The following STAG1 variants were observed in gnomAD, a reference collection of about 807,000 sequenced individuals.
STAG1 encodes the protein STAG1 cohesin complex component, also known as cohesin subunit SA-1.
Under a neutral mutation model 170.9 loss-of-function variants are expected in STAG1, and 26 were observed. The observed-to-expected ratio is 0.15, with a 90% confidence interval of 0.11 to 0.21. STAG1 has a LOEUF of 0.21. Among genes scored for constraint, STAG1 ranks in the 10% least tolerant of loss-of-function variants. The pLI is 1.00. For missense variants in STAG1, 964 were observed against 1,509.5 expected (o/e 0.64, Z 5.99); for synonymous variants, 514 against 497.7 (o/e 1.03, Z -0.44).
At chr3:136,616,226 G>A (rs938398536) in intron 3 of STAG1, among the ~76,000 whole-genome samples, 41 of 150,806 alleles carry the variant, frequency 2.7e-4, no homozygotes, top group African/African-American at 8.8e-4. Context: ...CCGAGATCGC[G>A]CCACTGCACT....
intron 22 of STAG1, among the ~76,000 whole-genome samples, chr3:136,388,383 T>G (rs1266697659): frequency 1.3e-5 from 2 of 152,126 alleles, no homozygotes; most frequent in Non-Finnish European, 2.9e-5. Flanking sequence ...TTGTTTGTTT[T>G]TTTGAGATGG....
intron 4 of STAG1, among the ~76,000 whole-genome samples, chr3:136,584,275 T>C (rs1488553071): frequency 2.0e-5 from 3 of 152,168 alleles, no homozygotes; most frequent in South Asian, 2.1e-4. Flanking sequence ...ACAGTAAAAT[T>C]CCTCTATACA....
intron 21 of STAG1, among the ~76,000 whole-genome samples, chr3:136,400,513 G>A (rs1283637671): frequency 1.3e-5 from 2 of 151,232 alleles, no homozygotes; most frequent in African/African-American, 2.4e-5. Context: ...GAGCCACCAC[G>A]CCCGGCCGCA....
intron 14 of STAG1, among the ~76,000 whole-genome samples, chr3:136,446,817 T>G (rs2088794877): frequency 6.6e-6 from 1 of 151,948 alleles, no homozygotes. Context: ...CATATTTTTT[T>G]TTTTTGAGAC....
intron 1 of STAG1, among the ~76,000 whole-genome samples, chr3:136,674,520 G>A (rs1224536691): frequency 6.6e-6 from 1 of 152,058 alleles, no homozygotes. Flanking sequence ...GACCAAGAAG[G>A]GACACAAGGG....
intron 9 of STAG1, among the ~76,000 whole-genome samples, chr3:136,486,145 TA>T (rs1372585407): frequency 6.6e-6 from 1 of 152,218 alleles, no homozygotes; most frequent in Non-Finnish European, 1.5e-5. Context: ...AGTAGGCAAG[TA>T]AGTATTCTTT....
intron 1 of STAG1, among the ~76,000 whole-genome samples, chr3:136,656,647 A>G (rs1254375838): frequency 2.1e-5 from 1 of 46,932 alleles, no homozygotes; most frequent in African/African-American, 3.0e-4. Context: ...GTGTGTGTGT[A>G]TCAAACCTAT....
chr3:136,631,467 T>C (rs1297485682), intron 1 of STAG1, among the ~76,000 whole-genome samples: 3 of 152,202 alleles, frequency 2.0e-5, no homozygotes, highest in African/African-American at 7.2e-5. Flanking sequence ...GTGTGATGGA[T>C]GTGTCATTAC....
chr3:136,529,797 A>G (rs1361624406), intron 6 of STAG1, among the ~76,000 whole-genome samples: 1 of 152,238 alleles, frequency 6.6e-6, no homozygotes, highest in African/African-American at 2.4e-5. Flanking sequence ...AACAACAAAG[A>G]AAAACAATAG....
rs535926152 is a variant in STAG1, at chr3:136,390,982, C to T, written c.2277+7767G>A. ...TGGGGCTTGGCCACTATCAGTCCCA[C>T]CTTCACCCTTACTGCTCTTTTCTCC... On this transcript the variant is annotated intron_variant, in intron 22 of 33. Transcript: ENST00000383202. 5.4e-4 allele frequency among the ~76,000 whole-genome samples: 83 copies of T among 152,310 alleles called. 1 individual carries two copies. In the South Asian group the frequency reaches 0.017, roughly 31 times the overall value.
chr3:136,372,871 T>G (rs1306345826), intron 23 of STAG1, among the ~76,000 whole-genome samples: 1 of 152,186 alleles, frequency 6.6e-6, no homozygotes, highest in Non-Finnish European at 1.5e-5. Context: ...ATAAAATGAG[T>G]TAGGGAGGAT....
At chr3:136,370,051 CTA>C (rs1560064366) in intron 23 of STAG1, among the ~76,000 whole-genome samples, 10 of 256 alleles carry the variant, frequency 0.039, no homozygotes, top group Non-Finnish European at 0.057. Context: ...TATGTATTTA[CTA>C]TACTATACTA....
intron 9 of STAG1, among the ~76,000 whole-genome samples, chr3:136,486,584 TA>T (rs2090017812): frequency 1.3e-5 from 2 of 152,170 alleles, no homozygotes; most frequent in Non-Finnish European, 2.9e-5. Context: ...GTCAATTCTA[TA>T]AAAACCAGGC....
chr3:136,546,522 A>C (rs908201254), intron 5 of STAG1, among the ~76,000 whole-genome samples: 1 of 152,238 alleles, frequency 6.6e-6, no homozygotes, highest in Non-Finnish European at 1.5e-5. Context: ...AAATAAAATG[A>C]TAACAATAAA....
intron 6 of STAG1, among the ~76,000 whole-genome samples, chr3:136,529,419 C>T (rs974662765): frequency 1.3e-5 from 2 of 152,080 alleles, no homozygotes; most frequent in African/African-American, 2.4e-5. Flanking sequence ...AAACCTTCAT[C>T]AGACTACCAG....
rs1386191506 is a variant in STAG1 at position 136,336,283 on chromosome 3, T to A, written c.*1971A>T. The stretch of plus-strand genomic sequence containing the variant: ...GGAAAGGTGAAGCATCAGTTTCAAA[T>A]TGTACAAAAGGAAAAAAAACCTCAT... On this transcript the variant is annotated 3_prime_UTR_variant, in exon 34 of 34. Transcript: ENST00000383202. 1 of 152,162 alleles carries A rather than the reference T, an allele frequency of 6.6e-6. No homozygotes were observed. Among genetic ancestry groups the A allele is most frequent in the African/African-American group, 2.4e-5 (1 of 41,440 alleles). 9.4% of individuals were successfully genotyped at this position (152,162 alleles called of 1,614,324 possible). A position where few individuals can be genotyped will look rare whatever the true frequency, so the allele number is the denominator to read the frequency against.
intron 3 of STAG1, among the ~76,000 whole-genome samples, chr3:136,613,647 C>G (rs2107819578): frequency 6.6e-6 from 1 of 152,128 alleles, no homozygotes; most frequent in Admixed American, 6.6e-5. Context: ...CCACCACACC[C>G]AGGTAATTTT....
At chr3:136,370,881 T>A (rs1165944764) in intron 23 of STAG1, among the ~76,000 whole-genome samples, 1 of 152,230 alleles carries the variant, frequency 6.6e-6, no homozygotes, top group Non-Finnish European at 1.5e-5. Flanking sequence ...TACCCAGTAA[T>A]GGGATGGCTG....
intron 2 of STAG1, among the ~76,000 whole-genome samples, chr3:136,628,922 A>G (rs1345946265): frequency 6.6e-6 from 1 of 152,204 alleles, no homozygotes; most frequent in African/African-American, 2.4e-5. Flanking sequence ...TAATAAGGAT[A>G]ATCACTAGAG....
Sources: allele counts gnomAD v4.1 joint callset (sites outside exome capture counted in the v4.1 genomes callset), GRCh38; gene constraint gnomAD v4.1.1; transcripts MANE v1.5; gene names NCBI Gene and HGNC (gene_info 2026-07-23, HGNC 2026-07-21).